Variants in GFM2 observed in about 807,000 individuals in gnomAD.
GFM2 encodes the protein GTP dependent ribosome recycling factor mitochondrial 2, also known as ribosome-releasing factor 2, mitochondrial.
In GFM2, 72 loss-of-function variants were observed where a neutral mutation model predicts 95.4. The observed-to-expected ratio is 0.76, with a 90% CI of 0.62 to 0.92. GFM2 has a LOEUF of 0.92. Among genes scored for constraint, GFM2 ranks in the 40% least tolerant of loss-of-function variants. The probability of loss-of-function intolerance (pLI) is 0.00; values close to 1 mark genes in which losing one functional copy is unlikely to be tolerated. For synonymous variants in GFM2, 276 were observed against 317.5 expected (o/e 0.87, Z 1.39); for missense variants, 825 against 924.1 (o/e 0.89, Z 1.39).
At chr5:74,754,742 T>C (rs537807770) in intron 5 of GFM2, among the ~76,000 whole-genome samples, 1 of 152,144 alleles carries the variant, frequency 6.6e-6, no homozygotes, top group East Asian at 1.9e-4. Context: ...AGAAATGAGA[T>C]AGCAACACAA....
chr5:74,735,443 CT>C (rs1274640675), intron 15 of GFM2, among the ~76,000 whole-genome samples: 10 of 152,154 alleles, frequency 6.6e-5, no homozygotes, highest in Non-Finnish European at 1.5e-4. Context: ...ATAGAGATTG[CT>C]TTTGTTCTCC....
intron 1 of GFM2, among the ~76,000 whole-genome samples, chr5:74,766,458 C>A (rs1744616641): frequency 6.6e-6 from 1 of 152,192 alleles, no homozygotes; most frequent in South Asian, 2.1e-4. Context: ...TGCAACTGTG[C>A]AGTAAAAGGG....
chr5:74,725,533 GGCAAAGACACAAGATAAGGCTCT>G, intron 19 of GFM2, 84 bp downstream of exon 19: 1 of 658,514 alleles, frequency 1.5e-6, no homozygotes, highest in Non-Finnish European at 2.7e-6. Context: ...AGGCTGAGGA[GGCAAAGACACAAGATAAGGCTCT>G]GTAAACACAG....
intron 7 of GFM2, 90 bp downstream of exon 7, chr5:74,750,489 T>C (rs1049871480): frequency 1.0e-5 from 8 of 788,798 alleles, no homozygotes; most frequent in East Asian, 5.4e-5. Flanking sequence ...ACTTACCAAA[T>C]AGATGGTTAC....
Position 74,726,046 on chromosome 5 carries a change from C to G in GFM2, c.1807G>C (p.Val603Leu). Residue 603 changes from valine (V) to leucine (L), a missense_variant, in exon 18 of 21, where the codon GTT becomes CTT. Physicochemically the swap from Val to Leu is conservative, Grantham distance 32. Transcript: ENST00000296805. ...TACTCAAACTCAATCACAGGCATAACAGATGATGTTTCAATTGGCCTTGCT... is the reference window on the plus strand; with the variant it reads ...TACTCAAACTCAATCACAGGCATAAGAGATGATGTTTCAATTGGCCTTGCT... ...VEARPIETSSVMPVIEFEYAE... is the reference protein window; with the variant it reads ...VEARPIETSSLMPVIEFEYAE... The G allele has an allele frequency of 6.2e-7, 1 of 1,613,482 alleles. No homozygotes were observed. The highest frequency in any genetic ancestry group is 8.5e-7 in the Non-Finnish European group (1 of 1,179,762).
rs573116616 is a variant in GFM2 at position 74,763,789 on chromosome 5, T to A, written c.-24-23A>T. On this transcript the variant is annotated intron_variant, in intron 1 of 20. Coordinates refer to ENST00000296805, the MANE Select transcript of GFM2 (RefSeq NM_032380.5). ...TGTCTGAAAAAATAAATATACAAAATCAAAAAACTAAACTTATGTATTACA... is the reference window on the plus strand; with the variant it reads ...TGTCTGAAAAAATAAATATACAAAAACAAAAAACTAAACTTATGTATTACA... The A allele has an allele frequency of 9.0e-6, 13 of 1,443,912 alleles. 1 individual carries two copies. The highest frequency in any genetic ancestry group is 1.8e-4 in the Middle Eastern group (1 of 5,644). The allele number at this position is 1,443,912 out of a possible 1,614,324, so 89.4% of individuals were successfully genotyped here. A position where few individuals can be genotyped will look rare whatever the true frequency, so the allele number is the denominator to read the frequency against.
Position 74,751,445 on chromosome 5 carries a change from T to C in GFM2, c.353A>G (p.Glu118Gly). ...TVTDFMAQERERGITIQSAAV... is the reference protein window; with the variant it reads ...TVTDFMAQERGRGITIQSAAV... ...AGCTGATTGAATAGTAATGCCTCTT[T>C]CTCGCTCTTGGGCCATGAAATCTGT... Residue 118 changes from glutamate to glycine, a missense_variant, in exon 6 of 21, where the codon GAA becomes GGA. Coordinates refer to ENST00000296805, the MANE Select transcript of GFM2 (RefSeq NM_032380.5). 1 of 1,610,440 alleles carries C rather than the reference T, an allele frequency of 6.2e-7. No homozygotes were observed. Among genetic ancestry groups the C allele is most frequent in the Middle Eastern group, 1.7e-4 (1 of 6,056 alleles).
chr5:74,740,411 G>T (rs1473229696), intron 11 of GFM2, among the ~76,000 whole-genome samples: 2 of 152,160 alleles, frequency 1.3e-5, no homozygotes, highest in Admixed American at 6.6e-5. Context: ...GTTAAAACAG[G>T]TGCTTAAAAA....
intron 5 of GFM2, among the ~76,000 whole-genome samples, chr5:74,754,319 A>C (rs189615836): frequency 0.16 from 23,675 of 150,724 alleles, 2,294 homozygotes; most frequent in African/African-American, 0.27. Flanking sequence ...AAAAAAAAAA[A>C]AACAAGGTAT....
chr5:74,740,351 T>C (rs888374511), intron 11 of GFM2, among the ~76,000 whole-genome samples: 7 of 152,254 alleles, frequency 4.6e-5, no homozygotes, highest in Middle Eastern at 3.4e-3. Flanking sequence ...AAAATCCATA[T>C]AAGCATTACC....
At chr5:74,754,142 C>T (rs933007615) in intron 5 of GFM2, among the ~76,000 whole-genome samples, 1 of 152,002 alleles carries the variant, frequency 6.6e-6, no homozygotes, top group Non-Finnish European at 1.5e-5. Context: ...AAGATATAGT[C>T]TTTTTCAGAC....
intron 8 of GFM2, among the ~76,000 whole-genome samples, chr5:74,747,407 T>C (rs1421167766): frequency 6.6e-6 from 1 of 152,220 alleles, no homozygotes; most frequent in African/African-American, 2.4e-5. Context: ...AGAGAATCAA[T>C]GGAATCATCA....
chr5:74,733,290 C>T (rs888603817), intron 15 of GFM2, 192 bp from the exon 16 acceptor site: 6 of 436,278 alleles, frequency 1.4e-5, no homozygotes, highest in Admixed American at 7.2e-5. Context: ...CAGGAGTTTG[C>T]GACCAGCCTG....
rs767704309 is a variant in GFM2, at chr5:74,738,374, C to T, written c.1264G>A (p.Val422Ile). 3.7e-6 allele frequency: 6 copies of T among 1,613,642 alleles called. No homozygotes were observed. Among genetic ancestry groups the T allele is most frequent in the Non-Finnish European group, 5.1e-6 (6 of 1,179,658 alleles). ...CCAGCAGTCAATGAAGGGATTTCTACATGTTGGTCAGCAAACGGCAAAAGC... is the reference window on the plus strand; with the variant it reads ...CCAGCAGTCAATGAAGGGATTTCTATATGTTGGTCAGCAAACGGCAAAAGC... Reference protein sequence around the residue: ...RLLLPFADQHVEIPSLTAGNI... With the variant: ...RLLLPFADQHIEIPSLTAGNI... The change falls in exon 14 of 21, where the codon GTA (valine) becomes ATA (isoleucine). Residue 422 changes from valine to isoleucine, a missense_variant. Physicochemically the swap from Val to Ile is conservative, Grantham distance 29 (BLOSUM62 3). Transcript: ENST00000296805.
At chr5:74,756,539 G>A (rs187799523) in intron 5 of GFM2, among the ~76,000 whole-genome samples, 1 of 152,228 alleles carries the variant, frequency 6.6e-6, no homozygotes, top group Admixed American at 6.5e-5. Context: ...CCTCTGGGTA[G>A]ATACCAAATA....
Position 74,736,900 on chromosome 5 carries a change from T to C in GFM2, c.1406A>G (p.His469Arg). The change falls in exon 15 of 21, where the codon CAC becomes CGC. Residue 469 changes from histidine (H) to arginine (R), a missense_variant. By Grantham distance (29) the His-to-Arg change is conservative. Coordinates refer to ENST00000296805, the MANE Select transcript of GFM2 (RefSeq NM_032380.5). ...RRAEREGEKK[H>R]RQNNEAERLL... Reference sequence around the variant, plus strand: ...TCTCTCTGCTTCATTGTTTTGTCTGTGCTTCTTTTCTCCCTCCCGTTCGGC... The same window carrying C: ...TCTCTCTGCTTCATTGTTTTGTCTGCGCTTCTTTTCTCCCTCCCGTTCGGC... 1 of 1,613,918 alleles carries C rather than the reference T, an allele frequency of 6.2e-7. No individual in the cohort carries two copies. Among genetic ancestry groups the C allele is most frequent in the Non-Finnish European group, 8.5e-7 (1 of 1,179,844 alleles).
intron 3 of GFM2, 90 bp downstream of exon 3, chr5:74,760,812 G>A (rs1744242013): frequency 2.4e-6 from 2 of 841,424 alleles, no homozygotes; most frequent in Non-Finnish European, 2.0e-6. Flanking sequence ...TGGTTACAGA[G>A]CCCTAATAAG....
chr5:74,736,966 A>C lies in GFM2; in HGVS notation c.1340T>G (p.Ile447Ser). ...TAATGCACTGGACTTGGATGAGACAATGGTGTCTCCAGTGGCAGTCTGCAA... is the reference window on the plus strand; with the variant it reads ...TAATGCACTGGACTTGGATGAGACACTGGTGTCTCCAGTGGCAGTCTGCAA... ...GLKHTATGDT[I>S]VSSKSSALAA... is the part of the protein sequence containing the mutation. Residue 447 changes from isoleucine to serine, a missense_variant, in exon 15 of 21, where the codon ATT becomes AGT. Ile to Ser is a moderately radical substitution (Grantham distance 142). Transcript: ENST00000296805. The C allele has an allele frequency of 6.2e-7, 1 of 1,613,500 alleles. No homozygotes were observed. The highest frequency in any genetic ancestry group is 8.5e-7 in the Non-Finnish European group (1 of 1,179,654).
Position 74,738,570 on chromosome 5 carries a change from A to G in GFM2, c.1152T>C (p.Val384=). ...TAGTGCCTGAGTAAATGCGCATAAA[A>G]ACCAGTGGTCCTCGCTGCTTGTCAT... The part of the protein sequence containing the change: ...VLHDKQRGPL[V]FMRIYSGTIK... The change falls in exon 13 of 21, where the codon GTT becomes GTC. Residue 384 remains valine (V), a synonymous_variant. Transcript: ENST00000296805. The G allele has an allele frequency of 1.2e-6, 2 of 1,613,778 alleles. No individual in the cohort carries two copies. The highest frequency in any genetic ancestry group is 8.5e-7 in the Non-Finnish European group (1 of 1,179,764).
Sources: allele counts gnomAD v4.1 joint callset (sites outside exome capture counted in the v4.1 genomes callset), GRCh38; gene constraint gnomAD v4.1.1; transcripts MANE v1.5; gene names NCBI Gene and HGNC (gene_info 2026-07-23, HGNC 2026-07-21).